Variants in RGS7 observed in about 807,000 individuals in gnomAD.
RGS7 encodes regulator of G-protein signaling 7.
In RGS7, 27 loss-of-function variants were observed where a neutral mutation model predicts 81.1. The observed-to-expected ratio is 0.33, with a 90% CI of 0.25 to 0.46. RGS7 has a LOEUF of 0.46. Among genes scored for constraint, RGS7 ranks in the 20% least tolerant of loss-of-function variants. The pLI, the probability that RGS7 is intolerant of heterozygous loss-of-function variation, is 1.00. For synonymous variants in RGS7, 208 were observed against 207.7 expected (o/e 1.00, Z -0.01); for missense variants, 396 against 607.4 (o/e 0.65, Z 3.66).
At chr1:241,059,675 G>A (rs992430843) in intron 3 of RGS7, among the ~76,000 whole-genome samples, 3 of 152,092 alleles carry the variant, frequency 2.0e-5, no homozygotes, top group Non-Finnish European at 1.5e-5. Context: ...ACCACTCAGC[G>A]CCTGGCTTCC....
chr1:241,145,469 G>T (rs573301531), intron 2 of RGS7, among the ~76,000 whole-genome samples: 1 of 152,146 alleles, frequency 6.6e-6, no homozygotes, highest in Non-Finnish European at 1.5e-5. Context: ...GGTTGGATCC[G>T]ATAACTTTGA....
chr1:241,130,419 T>A (rs2066994421), intron 2 of RGS7, among the ~76,000 whole-genome samples: 1 of 151,998 alleles, frequency 6.6e-6, no homozygotes, highest in Admixed American at 6.6e-5. Flanking sequence ...CCGATACTTT[T>A]AAGAACTAGG....
intron 4 of RGS7, among the ~76,000 whole-genome samples, chr1:240,941,619 T>G (rs1013920402): frequency 6.6e-5 from 10 of 152,102 alleles, no homozygotes; most frequent in South Asian, 4.1e-4. Flanking sequence ...GTAGCTATTT[T>G]GTTGTGAGAA....
intron 3 of RGS7, among the ~76,000 whole-genome samples, chr1:241,026,297 A>G (rs2059777844): frequency 6.6e-6 from 1 of 152,188 alleles, no homozygotes; most frequent in Non-Finnish European, 1.5e-5. Context: ...TCTGCTATTA[A>G]TAATTTATTG....
intron 14 of RGS7, among the ~76,000 whole-genome samples, chr1:240,809,601 T>C (rs1689489740): frequency 6.6e-6 from 1 of 152,178 alleles, no homozygotes; most frequent in South Asian, 2.1e-4. Context: ...GGCTTAACCT[T>C]CCTCAGCCAC....
intron 9 of RGS7, 114 bp from the exon 10 acceptor site, chr1:240,827,286 TC>T: frequency 1.2e-6 from 1 of 823,434 alleles, no homozygotes; most frequent in African/African-American, 1.7e-5. Flanking sequence ...ATGACACAAA[TC>T]AAGGGAGGTG....
chr1:240,880,334 C>T (rs766319331), intron 6 of RGS7, among the ~76,000 whole-genome samples: 6 of 152,264 alleles, frequency 3.9e-5, no homozygotes, highest in Non-Finnish European at 8.8e-5. Flanking sequence ...GGCCATCGCT[C>T]CTGGCCCTGT....
chr1:240,922,213 C>T (rs1312286739), intron 6 of RGS7, among the ~76,000 whole-genome samples: 1 of 151,894 alleles, frequency 6.6e-6, no homozygotes, highest in Non-Finnish European at 1.5e-5. Context: ...ACTAATTTCA[C>T]AAAAATTAAC....
intron 3 of RGS7, among the ~76,000 whole-genome samples, chr1:241,079,199 G>A (rs1334260427): frequency 1.3e-5 from 2 of 151,958 alleles, no homozygotes; most frequent in Non-Finnish European, 2.9e-5. Context: ...TAATTACACT[G>A]AGTGCTCTTT....
intron 3 of RGS7, among the ~76,000 whole-genome samples, chr1:241,064,175 C>T (rs1174103968): frequency 8.1e-6 from 1 of 123,334 alleles, no homozygotes; most frequent in Non-Finnish European, 1.7e-5. Flanking sequence ...AAGAGTGAAA[C>T]TCAGTTTCAA....
intron 14 of RGS7, among the ~76,000 whole-genome samples, chr1:240,807,898 G>A (rs887352999): frequency 9.2e-5 from 14 of 152,036 alleles, no homozygotes; most frequent in African/African-American, 3.4e-4. Context: ...AGCTGGGTGT[G>A]GTGGCGAATG....
intron 14 of RGS7, among the ~76,000 whole-genome samples, chr1:240,810,013 T>G (rs1204596634): frequency 1.3e-5 from 2 of 152,232 alleles, no homozygotes; most frequent in Non-Finnish European, 2.9e-5. Flanking sequence ...ATTCAATTCA[T>G]GCCTGAAACC....
chr1:241,013,385 C>T (rs1471451426), intron 3 of RGS7, among the ~76,000 whole-genome samples: 2 of 152,112 alleles, frequency 1.3e-5, no homozygotes, highest in East Asian at 3.9e-4. Flanking sequence ...TCGAGTCTCA[C>T]ACTTTGTGTA....
chr1:241,179,667 T>C (rs1019918274), intron 2 of RGS7, among the ~76,000 whole-genome samples: 1 of 152,160 alleles, frequency 6.6e-6, no homozygotes. Flanking sequence ...ACAGTAATTG[T>C]AGAGGGAAAT....
intron 4 of RGS7, among the ~76,000 whole-genome samples, chr1:240,950,666 C>A (rs540066952): frequency 1.2e-4 from 19 of 152,098 alleles, no homozygotes; most frequent in Non-Finnish European, 2.2e-4. Context: ...ATCCACCATA[C>A]CTATAGGCTA....
chr1:241,017,856 T>C (rs1423014554), intron 3 of RGS7, among the ~76,000 whole-genome samples: 1 of 152,228 alleles, frequency 6.6e-6, no homozygotes, highest in Non-Finnish European at 1.5e-5. Context: ...TCTATTTTTT[T>C]CATCAGAGGC....
intron 4 of RGS7, among the ~76,000 whole-genome samples, chr1:240,975,800 G>A (rs867908650): frequency 1.3e-5 from 2 of 152,356 alleles, no homozygotes; most frequent in African/African-American, 2.4e-5. Context: ...AACTCAACCC[G>A]AAGGATAGTA....
At chr1:240,913,750 C>A (rs1672133092) in intron 6 of RGS7, among the ~76,000 whole-genome samples, 1 of 151,508 alleles carries the variant, frequency 6.6e-6, no homozygotes, top group Non-Finnish European at 1.5e-5. Context: ...TTATTTTGTG[C>A]TTTAAAATTG....
chr1:240,918,501 G>A (rs555972390), intron 6 of RGS7, among the ~76,000 whole-genome samples: 2 of 152,038 alleles, frequency 1.3e-5, no homozygotes, highest in South Asian at 4.1e-4. Flanking sequence ...AACAACACAC[G>A]GGCCAAAGAA....
Sources: allele counts gnomAD v4.1 joint callset (sites outside exome capture counted in the v4.1 genomes callset), GRCh38; gene constraint gnomAD v4.1.1; transcripts MANE v1.5; gene names NCBI Gene and HGNC (gene_info 2026-07-23, HGNC 2026-07-21).